The following PAPSS1 variants were observed in gnomAD, a reference collection of about 807,000 sequenced individuals.
PAPSS1 encodes the protein 3'-phosphoadenosine 5'-phosphosulfate synthase 1, also known as bifunctional 3'-phosphoadenosine 5'-phosphosulfate synthase 1.
Under a neutral mutation model 72.0 loss-of-function variants are expected in PAPSS1, and 50 were observed. The ratio of observed to expected loss-of-function variants is 0.69; its 90% CI spans 0.55 to 0.88. PAPSS1 has a LOEUF of 0.88. Among genes scored for constraint, PAPSS1 ranks in the 40% least tolerant of loss-of-function variants. PAPSS1 has a pLI of 0.00. For synonymous variants in PAPSS1, 261 were observed against 263.6 expected (o/e 0.99, Z 0.09); for missense variants, 657 against 782.2 (o/e 0.84, Z 1.91).
intron 5 of PAPSS1, among the ~76,000 whole-genome samples, chr4:107,666,774 T>A (rs1471019524): frequency 6.6e-6 from 1 of 152,242 alleles, no homozygotes; most frequent in Non-Finnish European, 1.5e-5. Context: ...CCACTATTTT[T>A]CCATGAAGAC....
chr4:107,617,680 TTAGGTA>T (rs1725857407), intron 11 of PAPSS1, among the ~76,000 whole-genome samples: 1 of 152,184 alleles, frequency 6.6e-6, no homozygotes. Context: ...TCTCATCTTC[TTAGGTA>T]AAACACATTT....
chr4:107,630,442 G>A (rs752347861), intron 11 of PAPSS1, among the ~76,000 whole-genome samples: 2 of 152,072 alleles, frequency 1.3e-5, no homozygotes, highest in South Asian at 2.1e-4. Context: ...TAGATCTGAC[G>A]GTTTAAAAGT....
At chr4:107,631,897 T>C (rs1726234344) in intron 10 of PAPSS1, 37 bp from the exon 11 acceptor site, 1 of 1,331,582 alleles carries the variant, frequency 7.5e-7, no homozygotes, top group African/African-American at 1.4e-5. Flanking sequence ...ACTTTGCTTT[T>C]ATGACTATGT....
intron 9 of PAPSS1, among the ~76,000 whole-genome samples, chr4:107,651,137 A>C (rs571022856): frequency 1.3e-5 from 2 of 152,308 alleles, no homozygotes; most frequent in African/African-American, 4.8e-5. Flanking sequence ...ATTTAAGCCA[A>C]ATATTTGCTT....
chr4:107,627,893 C>T lies in PAPSS1; in HGVS notation c.1736+3738G>A, dbSNP rs1726138657. On this transcript the variant is annotated intron_variant, in intron 11 of 11. Coordinates refer to ENST00000265174, the MANE Select transcript of PAPSS1 (RefSeq NM_005443.5). ...GTATATATACACATACATACAGATA[C>T]ATATTTCTTTTAAAGGCAAACAAAA... 2.0e-5 allele frequency among the ~76,000 whole-genome samples: 3 copies of T among 152,172 alleles called. No individual in the cohort carries two copies. In the South Asian group the frequency reaches 6.2e-4, roughly 32 times the overall value.
chr4:107,662,600 G>GAAA (rs1332486738), intron 5 of PAPSS1, among the ~76,000 whole-genome samples: 2 of 126,500 alleles, frequency 1.6e-5, no homozygotes. Flanking sequence ...ACCACATATA[G>GAAA]AAAAAAAAAA....
chr4:107,621,606 A>ATTTTTTTTTTTTTTTTT (rs1382723816), intron 11 of PAPSS1, among the ~76,000 whole-genome samples: 4 of 50,508 alleles, frequency 7.9e-5, no homozygotes, highest in African/African-American at 2.1e-4. Context: ...CAGGTTTTTT[A>ATTTTTTTTTTTTTTTTT]TCTTTTTTTT....
chr4:107,690,425 T>C (rs1246280260), intron 3 of PAPSS1, among the ~76,000 whole-genome samples: 1 of 152,170 alleles, frequency 6.6e-6, no homozygotes, highest in African/African-American at 2.4e-5. Context: ...GATTCATCCT[T>C]CATGACTCAT....
At chr4:107,679,612 G>T (rs1727747248) in intron 5 of PAPSS1, among the ~76,000 whole-genome samples, 1 of 151,050 alleles carries the variant, frequency 6.6e-6, no homozygotes, top group Admixed American at 6.6e-5. Flanking sequence ...ACTGTCAAGA[G>T]ATATGACAAA....
intron 4 of PAPSS1, among the ~76,000 whole-genome samples, chr4:107,684,966 CACA>C (rs1722737967): frequency 6.6e-6 from 1 of 151,966 alleles, no homozygotes; most frequent in South Asian, 2.1e-4. Context: ...AGTGCAGTGG[CACA>C]ATTTCGGCTC....
At chr4:107,620,497 C>T (rs1176615190) in intron 11 of PAPSS1, among the ~76,000 whole-genome samples, 2 of 152,176 alleles carry the variant, frequency 1.3e-5, no homozygotes, top group Non-Finnish European at 2.9e-5. Context: ...AAAAGCCATT[C>T]ATTTGTCATG....
At chr4:107,646,525 G>A (rs1234045447) in intron 9 of PAPSS1, among the ~76,000 whole-genome samples, 2 of 151,932 alleles carry the variant, frequency 1.3e-5, no homozygotes, top group African/African-American at 4.8e-5. Context: ...TTTAGAGCTG[G>A]GGCAAGAAAA....
chr4:107,676,499 G>C (rs62311649), intron 5 of PAPSS1, among the ~76,000 whole-genome samples: 27,569 of 152,068 alleles, frequency 0.18, 2,940 homozygotes, highest in East Asian at 0.37. Context: ...ACCTCTTCAA[G>C]GAGAACTATA....
intron 10 of PAPSS1, among the ~76,000 whole-genome samples, chr4:107,644,291 C>A (rs1413350388): frequency 6.6e-6 from 1 of 152,194 alleles, no homozygotes. Context: ...AGCAGATCTT[C>A]CCCTGAAGTA....
intron 2 of PAPSS1, 80 bp downstream of exon 2, chr4:107,701,091 T>G (rs1723192568): frequency 5.3e-6 from 4 of 757,886 alleles, no homozygotes; most frequent in Non-Finnish European, 8.7e-6. Flanking sequence ...AGCTCAAAAT[T>G]TAAATATGCT....
chr4:107,703,143 T>C (rs1723247597), intron 1 of PAPSS1, among the ~76,000 whole-genome samples: 1 of 152,240 alleles, frequency 6.6e-6, no homozygotes, highest in African/African-American at 2.4e-5. Context: ...CATATACCTG[T>C]TGGCTATTTG....
intron 5 of PAPSS1, among the ~76,000 whole-genome samples, chr4:107,676,058 C>A (rs1727635236): frequency 6.6e-6 from 1 of 152,150 alleles, no homozygotes; most frequent in African/African-American, 2.4e-5. Context: ...CTATCTATGA[C>A]AAACCCACAG....
intron 4 of PAPSS1, among the ~76,000 whole-genome samples, chr4:107,684,441 G>T (rs1032337513): frequency 2.0e-5 from 3 of 151,966 alleles, no homozygotes; most frequent in African/African-American, 7.3e-5. Context: ...TGTTCTTTGT[G>T]GGGGAAAATT....
intron 9 of PAPSS1, among the ~76,000 whole-genome samples, chr4:107,647,458 G>A (rs1302211670): frequency 2.6e-5 from 4 of 152,124 alleles, no homozygotes; most frequent in Non-Finnish European, 4.4e-5. Context: ...GATTTAAGTG[G>A]TCCTTACCTC....
Sources: gnomAD v4.1 joint callset for allele counts (sites outside exome capture counted in the v4.1 genomes callset) on GRCh38, gnomAD v4.1.1 for gene constraint, MANE v1.5 for transcripts, NCBI Gene and HGNC (gene_info 2026-07-23, HGNC 2026-07-21) for gene names.